The following DLGAP2 variants were observed in gnomAD, a reference collection of about 807,000 sequenced individuals.
The protein encoded by DLGAP2 is disks large-associated protein 2.
A neutral mutation model predicts 100.3 loss-of-function variants in DLGAP2; 26 were observed. That is an observed-to-expected ratio of 0.26 (90% CI 0.19 to 0.36). The LOEUF is 0.36. DLGAP2 is among the 10% of genes least tolerant of loss of function. The pLI is 1.00. For missense variants in DLGAP2, 1,858 were observed against 1,453.2 expected (o/e 1.28, Z -4.53); for synonymous variants, 886 against 630.1 (o/e 1.41, Z -6.08).
At chr8:1,172,242 C>G (rs543924815) in intron 2 of DLGAP2, among the ~76,000 whole-genome samples, 17 of 152,300 alleles carry the variant, frequency 1.1e-4, no homozygotes, top group African/African-American at 3.8e-4. Flanking sequence ...AGAGTTTCTG[C>G]CTAGAGATCA....
intron 1 of DLGAP2, among the ~76,000 whole-genome samples, chr8:905,061 G>A (rs1381040898): frequency 1.3e-5 from 2 of 152,158 alleles, no homozygotes; most frequent in Non-Finnish European, 2.9e-5. Context: ...TGCTGTCAAC[G>A]TTAGGGGTGA....
intron 1 of DLGAP2, among the ~76,000 whole-genome samples, chr8:771,981 T>C (rs1402397841): frequency 6.6e-6 from 1 of 151,778 alleles, no homozygotes; most frequent in Non-Finnish European, 1.5e-5. Context: ...TAGCTCACTA[T>C]AGCCTCCAAC....
chr8:1,332,777 C>T (rs1211835552), intron 3 of DLGAP2, among the ~76,000 whole-genome samples: 4 of 152,196 alleles, frequency 2.6e-5, no homozygotes, highest in Admixed American at 1.3e-4. Context: ...CTGCAGGTAG[C>T]TCTCTAGGGT....
intron 6 of DLGAP2, among the ~76,000 whole-genome samples, chr8:1,605,843 A>T (rs908913538): frequency 1.1e-4 from 17 of 152,208 alleles, no homozygotes; most frequent in African/African-American, 3.9e-4. Flanking sequence ...ATCCATGGCA[A>T]ATGTTTAAAA....
chr8:1,315,109 T>C (rs1344372546), intron 3 of DLGAP2, among the ~76,000 whole-genome samples: 3 of 152,208 alleles, frequency 2.0e-5, no homozygotes, highest in Non-Finnish European at 2.9e-5. Flanking sequence ...CATAGAACCG[T>C]ATTTAGTAAG....
intron 2 of DLGAP2, among the ~76,000 whole-genome samples, chr8:1,078,975 G>T (rs193124438): frequency 2.0e-5 from 3 of 152,340 alleles, no homozygotes; most frequent in South Asian, 2.1e-4. Flanking sequence ...ATAAGAAACT[G>T]CCAAATGGTT....
At chr8:1,351,023 C>A (rs1446945122) in intron 3 of DLGAP2, among the ~76,000 whole-genome samples, 7 of 74,086 alleles carry the variant, frequency 9.4e-5, no homozygotes, top group African/African-American at 1.7e-4. Context: ...TGTGGAACGG[C>A]CGTGCGGGTC....
At chr8:1,116,062 C>G (rs1003604765) in intron 2 of DLGAP2, among the ~76,000 whole-genome samples, 2 of 152,158 alleles carry the variant, frequency 1.3e-5, no homozygotes, top group African/African-American at 4.8e-5. Context: ...GGAGGACTTT[C>G]CAGGGGTTCT....
chr8:974,909 A>G (rs76782964), intron 2 of DLGAP2, among the ~76,000 whole-genome samples: 3,412 of 152,282 alleles, frequency 0.022, 130 homozygotes, highest in African/African-American at 0.078. Flanking sequence ...AAAGAAATCA[A>G]TGAAACTGAA....
intron 2 of DLGAP2, among the ~76,000 whole-genome samples, chr8:1,120,867 G>A (rs59643943): frequency 0.22 from 29,926 of 133,220 alleles, 2,996 homozygotes; most frequent in East Asian, 0.3. Flanking sequence ...TTCAGAACCC[G>A]TGACCACCCA....
chr8:1,681,422 C>A (rs112574505), intron 12 of DLGAP2, among the ~76,000 whole-genome samples: 1 of 151,980 alleles, frequency 6.6e-6, no homozygotes, highest in African/African-American at 2.4e-5. Context: ...TGCTTGTGCC[C>A]AGGAGTTTTA....
chr8:1,597,097 C>A (rs998804134), intron 6 of DLGAP2, among the ~76,000 whole-genome samples: 1 of 152,146 alleles, frequency 6.6e-6, no homozygotes, highest in Non-Finnish European at 1.5e-5. Flanking sequence ...AGCCAGTTTT[C>A]CCAACAGCAT....
intron 1 of DLGAP2, among the ~76,000 whole-genome samples, chr8:746,467 T>C (rs1820620957): frequency 1.3e-5 from 2 of 152,140 alleles, no homozygotes; most frequent in Admixed American, 1.3e-4. Flanking sequence ...GCAGGGGGGC[T>C]CCAGAGCTGG....
chr8:1,695,214 C>T (rs1799352950), intron 13 of DLGAP2, among the ~76,000 whole-genome samples: 1 of 152,130 alleles, frequency 6.6e-6, no homozygotes, highest in South Asian at 2.1e-4. Flanking sequence ...CCCGGCCCTA[C>T]AGAAAGAGGG....
chr8:1,120,086 A>G (rs1209854969), intron 2 of DLGAP2, among the ~76,000 whole-genome samples: 1 of 152,194 alleles, frequency 6.6e-6, no homozygotes, highest in African/African-American at 2.4e-5. Context: ...CATCTTAGCT[A>G]AGTTGGAAAT....
intron 1 of DLGAP2, among the ~76,000 whole-genome samples, chr8:854,666 C>A (rs907024902): frequency 6.6e-6 from 1 of 152,160 alleles, no homozygotes; most frequent in African/African-American, 2.4e-5. Context: ...TGTGTGTTCA[C>A]ATGTGTGTGC....
intron 1 of DLGAP2, among the ~76,000 whole-genome samples, chr8:760,760 G>A (rs1214071409): frequency 2.6e-5 from 4 of 152,132 alleles, no homozygotes; most frequent in Admixed American, 2.6e-4. Context: ...GCCTCCGATT[G>A]GGAGTTGCAC....
At chr8:1,213,910 T>C (rs915631770) in intron 2 of DLGAP2, among the ~76,000 whole-genome samples, 3 of 152,204 alleles carry the variant, frequency 2.0e-5, no homozygotes, top group Non-Finnish European at 4.4e-5. Flanking sequence ...CTCCTTTTGC[T>C]GGCCCAGTTC....
chr8:1,043,871 G>A (rs1042201630), intron 2 of DLGAP2, among the ~76,000 whole-genome samples: 3 of 152,080 alleles, frequency 2.0e-5, no homozygotes, highest in East Asian at 1.9e-4. Context: ...AGAAGCAAGC[G>A]TGCCTCGCTG....
Sources: gnomAD v4.1 joint callset for allele counts (sites outside exome capture counted in the v4.1 genomes callset) on GRCh38, gnomAD v4.1.1 for gene constraint, MANE v1.5 for transcripts, NCBI Gene and HGNC (gene_info 2026-07-23, HGNC 2026-07-21) for gene names.